CECR2: variants seen among roughly 807,000 people sequenced by gnomAD.
CECR2 encodes chromatin remodeling regulator CECR2.
In CECR2, 30 loss-of-function variants were observed where a neutral mutation model predicts 154.5. The ratio of observed to expected loss-of-function variants is 0.19; its 90% CI spans 0.15 to 0.26. CECR2 has a LOEUF of 0.26. Among genes scored for constraint, CECR2 ranks in the 10% least tolerant of loss-of-function variants. The probability of loss-of-function intolerance (pLI) is 1.00; values close to 1 mark genes in which losing one functional copy is unlikely to be tolerated. For missense variants in CECR2, 1,743 were observed against 1,829.3 expected (o/e 0.95, Z 0.86); for synonymous variants, 725 against 683.7 (o/e 1.06, Z -0.94).
At chr22:17,475,345 G>A (rs1159397644) in intron 1 of CECR2, among the ~76,000 whole-genome samples, 1 of 152,090 alleles carries the variant, frequency 6.6e-6, no homozygotes, top group Non-Finnish European at 1.5e-5. Flanking sequence ...GCTTGGTTTT[G>A]GGAAGAACAC....
At chr22:17,474,613 G>C (rs570602365) in intron 1 of CECR2, among the ~76,000 whole-genome samples, 1 of 152,334 alleles carries the variant, frequency 6.6e-6, no homozygotes, top group South Asian at 2.1e-4. Flanking sequence ...CCTAGGCAGC[G>C]CTGGTGAAAA....
At position 17,484,810 on chromosome 22, in the gene CECR2, A is replaced by G. The variant is rs1299139959; in HGVS notation, c.221+7128A>G. On this transcript the variant is annotated intron_variant, in intron 2 of 18. Transcript: ENST00000262608. Reference sequence around the variant, plus strand: ...TGAGAATTGCTTGAACCTGGAAGGCAGAGGTTGCAGTGAGCCGAGATCATG... The same window carrying G: ...TGAGAATTGCTTGAACCTGGAAGGCGGAGGTTGCAGTGAGCCGAGATCATG... 3.3e-5 allele frequency among the ~76,000 whole-genome samples: 5 copies of G among 152,284 alleles called. No individual in the cohort carries two copies. The East Asian group carries it at 5.8e-4, about 18-fold the overall frequency.
chr22:17,404,405 G>A (rs1329844960), intron 1 of CECR2, among the ~76,000 whole-genome samples: 1 of 45,540 alleles, frequency 2.2e-5, no homozygotes, highest in Non-Finnish European at 4.0e-5. Context: ...ACGGAGTCTC[G>A]CTCTGTCGCC....
At chr22:17,429,259 G>T (rs1326323309) in intron 1 of CECR2, among the ~76,000 whole-genome samples, 1 of 152,076 alleles carries the variant, frequency 6.6e-6, no homozygotes, top group Non-Finnish European at 1.5e-5. Flanking sequence ...ATTAATAGAT[G>T]AAGGGAACTA....
intron 1 of CECR2, among the ~76,000 whole-genome samples, chr22:17,382,450 T>C (rs1227469237): frequency 6.6e-6 from 1 of 152,106 alleles, no homozygotes; most frequent in African/African-American, 2.4e-5. Flanking sequence ...TATTTTGGGG[T>C]CAGTTCCAGA....
At chr22:17,544,497 C>CAAAA (rs34885224) in intron 16 of CECR2, among the ~76,000 whole-genome samples, 3 of 57,376 alleles carry the variant, frequency 5.2e-5, no homozygotes, top group African/African-American at 2.0e-4. Flanking sequence ...GACTCCATCT[C>CAAAA]AAAAAAAAAA....
At chr22:17,383,657 CTTT>C (rs57665657) in intron 1 of CECR2, among the ~76,000 whole-genome samples, 2 of 104,276 alleles carry the variant, frequency 1.9e-5, no homozygotes, top group Admixed American at 1.2e-4. Flanking sequence ...TTCAGGTCCA[CTTT>C]TTTTTTTTTT....
chr22:17,536,569 G>T (rs2056440395), intron 9 of CECR2, among the ~76,000 whole-genome samples: 2 of 152,218 alleles, frequency 1.3e-5, no homozygotes, highest in African/African-American at 2.4e-5. Flanking sequence ...TGATCTGGGG[G>T]TGGGGTGGGG....
chr22:17,437,703 T>C (rs575153907), intron 1 of CECR2, among the ~76,000 whole-genome samples: 1 of 151,980 alleles, frequency 6.6e-6, no homozygotes, highest in South Asian at 2.1e-4. Flanking sequence ...CTGTTGACCA[T>C]AGAAATTTCT....
rs911771655 is a variant in CECR2 at position 17,431,695 on chromosome 22, G to GA, written c.127-45884dup. Among the ~76,000 whole-genome samples the GA allele has an allele frequency of 8.7e-5, 13 of 149,390 alleles. No individual in the cohort carries two copies. In the South Asian group the frequency reaches 1.1e-3, roughly 12 times the overall value. On this transcript the variant is annotated intron_variant, in intron 1 of 18. Transcript: ENST00000262608. ...TATCATTGGAGCATGACTTAAAATG[G>GA]AAAAAAAAAGACTAAAGTGGTAATT...
At chr22:17,449,483 CTTTTTTTTTTT>C (rs35473694) in intron 1 of CECR2, among the ~76,000 whole-genome samples, 2 of 71,450 alleles carry the variant, frequency 2.8e-5, no homozygotes, top group South Asian at 6.8e-4. Context: ...GTAACCAGTT[CTTTTTTTTTTT>C]TTTTTTTTTT....
intron 1 of CECR2, among the ~76,000 whole-genome samples, chr22:17,386,831 A>G (rs971331499): frequency 7.9e-5 from 12 of 151,900 alleles, no homozygotes; most frequent in Admixed American, 5.9e-4. Flanking sequence ...TTGTAATTGT[A>G]GTAGAGACAG....
At chr22:17,551,366 C>T (rs1485671484) in intron 17 of CECR2, among the ~76,000 whole-genome samples, 1 of 151,282 alleles carries the variant, frequency 6.6e-6, no homozygotes, top group African/African-American at 2.4e-5. Context: ...CCAATGAAGG[C>T]TCATGGATTT....
At chr22:17,461,262 T>TA (rs1327791467) in intron 1 of CECR2, among the ~76,000 whole-genome samples, 1 of 152,252 alleles carries the variant, frequency 6.6e-6, no homozygotes, top group Non-Finnish European at 1.5e-5. Flanking sequence ...ATACACAACT[T>TA]ACTGATATTA....
chr22:17,397,981 ACACTGTGTCTGTCGG>A (rs924706525), intron 1 of CECR2, among the ~76,000 whole-genome samples: 2 of 152,206 alleles, frequency 1.3e-5, no homozygotes, highest in African/African-American at 4.8e-5. Flanking sequence ...TGTTCATGCA[ACACTGTGTCTGTCGG>A]CCTCTGTACT....
intron 1 of CECR2, among the ~76,000 whole-genome samples, chr22:17,426,211 A>G (rs2054326839): frequency 6.6e-6 from 1 of 152,194 alleles, no homozygotes; most frequent in Non-Finnish European, 1.5e-5. Flanking sequence ...CCCACAATAC[A>G]TTATCACACA....
At chr22:17,519,092 G>C (rs1274825127) in intron 8 of CECR2, 2 of 156,538 alleles carry the variant, frequency 1.3e-5, no homozygotes, top group African/African-American at 2.4e-5. Flanking sequence ...TTAAGCCTTT[G>C]TCAGTTCTTC....
chr22:17,404,404 C>T (rs1449442464), intron 1 of CECR2, among the ~76,000 whole-genome samples: 1 of 47,244 alleles, frequency 2.1e-5, no homozygotes, highest in Non-Finnish European at 4.5e-5. Context: ...GACGGAGTCT[C>T]GCTCTGTCGC....
At chr22:17,473,954 G>T (rs886327040) in intron 1 of CECR2, among the ~76,000 whole-genome samples, 6 of 152,090 alleles carry the variant, frequency 3.9e-5, no homozygotes, top group Non-Finnish European at 5.9e-5. Flanking sequence ...TCTTTCCTTG[G>T]CTGTTTTGAT....
Sources: allele counts gnomAD v4.1 joint callset (sites outside exome capture counted in the v4.1 genomes callset), GRCh38; gene constraint gnomAD v4.1.1; transcripts MANE v1.5; gene names NCBI Gene and HGNC (gene_info 2026-07-23, HGNC 2026-07-21).